The following SP140L variants were observed in gnomAD, a reference collection of about 807,000 sequenced individuals.
SP140L encodes the protein SP140 like nuclear body protein.
Under a neutral mutation model 84.3 loss-of-function variants are expected in SP140L, and 64 were observed. The ratio of observed to expected loss-of-function variants is 0.76; its 90% CI spans 0.62 to 0.94. The LOEUF is 0.94. SP140L is among the 40% of genes least tolerant of loss of function. The pLI is 0.00. For synonymous variants in SP140L, 242 were observed against 236.9 expected (o/e 1.02, Z -0.20); for missense variants, 628 against 692.5 (o/e 0.91, Z 1.05).
intron 13 of SP140L, among the ~76,000 whole-genome samples, chr2:230,395,354 G>A (rs2062001657): frequency 6.6e-6 from 1 of 152,114 alleles, no homozygotes; most frequent in Non-Finnish European, 1.5e-5. Flanking sequence ...GAGATGGGAG[G>A]ATGACTTGAG....
chr2:230,363,233 G>A (rs2060774582), intron 5 of SP140L, among the ~76,000 whole-genome samples: 1 of 152,074 alleles, frequency 6.6e-6, no homozygotes, highest in Non-Finnish European at 1.5e-5. Context: ...TTTTTTTGAG[G>A]AAACTCCGTA....
At chr2:230,351,079 T>C (rs1367809240) in intron 2 of SP140L, among the ~76,000 whole-genome samples, 1 of 152,210 alleles carries the variant, frequency 6.6e-6, no homozygotes, top group Non-Finnish European at 1.5e-5. Context: ...GTTCTGCAGT[T>C]CTTGTTTCTA....
intron 2 of SP140L, among the ~76,000 whole-genome samples, chr2:230,340,429 T>A (rs2060006213): frequency 6.7e-6 from 1 of 148,938 alleles, no homozygotes; most frequent in Non-Finnish European, 1.5e-5. Flanking sequence ...CACTGATGGG[T>A]CTTGACTCTT....
intron 15 of SP140L, 70 bp from the exon 16 acceptor site, chr2:230,400,885 G>C (rs1234556818): frequency 8.1e-7 from 1 of 1,227,850 alleles, no homozygotes; most frequent in African/African-American, 1.5e-5. Flanking sequence ...AAGGAAGACA[G>C]TGGTAGCCAC....
At chr2:230,391,995 A>G (rs2061829967) in intron 11 of SP140L, 92 bp from the exon 12 acceptor site, 2 of 1,543,852 alleles carry the variant, frequency 1.3e-6, no homozygotes, top group Non-Finnish European at 1.8e-6. Flanking sequence ...TTCATCACAA[A>G]TTGGGTGGCT....
chr2:230,393,491 T>G, intron 13 of SP140L, 30 bp downstream of exon 13: 1 of 1,547,696 alleles, frequency 6.5e-7, no homozygotes, highest in Non-Finnish European at 8.7e-7. Context: ...CTACAGATTC[T>G]TGTCACACAA....
rs138023179 is a variant in SP140L, at chr2:230,383,797, G to A, written c.703+222G>A. Among the ~76,000 whole-genome samples the A allele has an allele frequency of 1.1e-3, 168 of 152,264 alleles. 1 individual carries two copies. Among genetic ancestry groups the A allele is most frequent in the African/African-American group, 3.8e-3 (158 of 41,524 alleles). On this transcript the variant is annotated intron_variant, in intron 8 of 18. Coordinates refer to ENST00000415673, the MANE Select transcript of SP140L (RefSeq NM_138402.6). ...TAGTCCAGAGGCCCACAGTTAATAG[G>A]GAGGTCTTATCATCCTCAGTATGAC...
chr2:230,364,931 C>T (rs928547102), intron 5 of SP140L, among the ~76,000 whole-genome samples: 4 of 151,992 alleles, frequency 2.6e-5, no homozygotes, highest in South Asian at 2.1e-4. Flanking sequence ...ATTAATGCAA[C>T]GTATGACCTT....
At chr2:230,347,632 G>A (rs1032019505) in intron 2 of SP140L, among the ~76,000 whole-genome samples, 8 of 152,168 alleles carry the variant, frequency 5.3e-5, no homozygotes, top group African/African-American at 1.9e-4. Context: ...AAGGCTAGAG[G>A]CCATACTCTG....
chr2:230,399,257 T>C (rs1458912890), intron 14 of SP140L, among the ~76,000 whole-genome samples: 1 of 152,234 alleles, frequency 6.6e-6, no homozygotes, highest in African/African-American at 2.4e-5. Flanking sequence ...TGGATGCAAA[T>C]ACTATCATAT....
chr2:230,402,624 A>G (rs1346461579), intron 18 of SP140L, among the ~76,000 whole-genome samples, 174 bp from the exon 19 acceptor site: 1 of 152,258 alleles, frequency 6.6e-6, no homozygotes, highest in Non-Finnish European at 1.5e-5. Flanking sequence ...ATTATTCCAC[A>G]TAGCAGTCAT....
chr2:230,378,394 G>T (rs1272302739), intron 7 of SP140L, among the ~76,000 whole-genome samples: 1 of 152,158 alleles, frequency 6.6e-6, no homozygotes, highest in Non-Finnish European at 1.5e-5. Flanking sequence ...CATGTTCTAG[G>T]CAGTCAGAAG....
At chr2:230,382,715 T>A (rs1481011729) in intron 7 of SP140L, among the ~76,000 whole-genome samples, 1 of 152,106 alleles carries the variant, frequency 6.6e-6, no homozygotes, top group Non-Finnish European at 1.5e-5. Flanking sequence ...TCAAGATAGG[T>A]CTACAGAACA....
chr2:230,403,636 G>A lies in SP140L; in HGVS notation c.*740G>A, dbSNP rs759373007. 1 of 152,224 alleles carries A rather than the reference G, an allele frequency of 6.6e-6. No individual in the cohort carries two copies. The highest frequency in any genetic ancestry group is 6.5e-5 in the Admixed American group (1 of 15,286). The allele number at this position is 152,224 out of a possible 1,614,324, so 9.4% of individuals were successfully genotyped here. A position where few individuals can be genotyped will look rare whatever the true frequency, so the allele number is the denominator to read the frequency against. On this transcript the variant is annotated 3_prime_UTR_variant, in exon 19 of 19. Transcript: ENST00000415673. Reference sequence around the variant, plus strand: ...CCGTTCTTTTCGATAGCTCACGATGGTGTATGAGTGTCAATCATCTGACCC... The same window carrying A: ...CCGTTCTTTTCGATAGCTCACGATGATGTATGAGTGTCAATCATCTGACCC...
rs762098643 is a variant in SP140L at position 230,328,742 on chromosome 2, A to G, written c.33-15A>G. On this transcript the variant is annotated splice_polypyrimidine_tract_variant and intron_variant, in intron 1 of 18. Transcript: ENST00000415673. ...TATTTACTTGTTTATAGATCCTGCC[A>G]AATTGTCTTTTTAGGGGGCTGAACG... 2.2e-5 allele frequency: 35 copies of G among 1,611,094 alleles called. No individual in the cohort carries two copies. The highest frequency in any genetic ancestry group is 3.0e-5 in the Non-Finnish European group (35 of 1,178,616).
chr2:230,342,898 A>C (rs2060100722), intron 2 of SP140L, among the ~76,000 whole-genome samples: 1 of 152,070 alleles, frequency 6.6e-6, no homozygotes, highest in African/African-American at 2.4e-5. Context: ...TTTCTGCTCT[A>C]ATCTACATTA....
At position 230,375,782 on chromosome 2, in the gene SP140L, T is replaced by C. The variant is rs927845024; in HGVS notation, c.637+4131T>C. 2.6e-4 allele frequency among the ~76,000 whole-genome samples: 39 copies of C among 152,212 alleles called. 1 individual carries two copies. Among genetic ancestry groups the C allele is most frequent in the Non-Finnish European group, 5.9e-5 (4 of 68,012 alleles). On this transcript the variant is annotated intron_variant, in intron 7 of 18. Coordinates refer to ENST00000415673, the MANE Select transcript of SP140L (RefSeq NM_138402.6). ...TGTTTTGTTTTTTGCTATTGAGTTA[T>C]GTGAGTTCCTTATATATTCTGGGCA... is the stretch of plus-strand genomic sequence containing the variant.
At chr2:230,390,651 C>T (rs1173856977) in intron 11 of SP140L, among the ~76,000 whole-genome samples, 1 of 152,166 alleles carries the variant, frequency 6.6e-6, no homozygotes, top group Non-Finnish European at 1.5e-5. Context: ...CATCTCAGAC[C>T]TCTCTTAACT....
chr2:230,357,214 C>T (rs1012323648), intron 2 of SP140L, among the ~76,000 whole-genome samples: 2 of 152,124 alleles, frequency 1.3e-5, no homozygotes, highest in Non-Finnish European at 2.9e-5. Context: ...AAAGCAGAAC[C>T]AGATGTTCCA....
Sources: gnomAD v4.1 joint callset for allele counts (sites outside exome capture counted in the v4.1 genomes callset) on GRCh38, gnomAD v4.1.1 for gene constraint, MANE v1.5 for transcripts, NCBI Gene and HGNC (gene_info 2026-07-23, HGNC 2026-07-21) for gene names.